Variants in NF2 observed in about 807,000 individuals in gnomAD.
NF2 encodes the protein merlin.
Under a neutral mutation model 83.7 loss-of-function variants are expected in NF2, and 8 were observed. The observed-to-expected ratio is 0.10, with a 90% CI of 0.06 to 0.17. The LOEUF (loss-of-function observed/expected upper bound fraction) is 0.17, where lower values mean the gene tolerates loss of function less well. NF2 is among the 10% of genes least tolerant of loss of function. The pLI is 1.00. For missense variants in NF2, 533 were observed against 744.4 expected (o/e 0.72, Z 3.31); for synonymous variants, 266 against 269.6 (o/e 0.99, Z 0.13).
At chr22:29,646,889 C>T (rs2065997332) in intron 4 of NF2, among the ~76,000 whole-genome samples, 1 of 152,032 alleles carries the variant, frequency 6.6e-6, no homozygotes, top group African/African-American at 2.4e-5. Flanking sequence ...ACTAAAAATA[C>T]AAAAATTAGC....
intron 15 of NF2, chr22:29,683,556 C>T: frequency 9.0e-7 from 1 of 1,111,434 alleles, no homozygotes; most frequent in Non-Finnish European, 1.1e-6. Flanking sequence ...GTTGCTTGTG[C>T]TGGCTCATTT....
chr22:29,658,808 C>G (rs1468723034), intron 7 of NF2, among the ~76,000 whole-genome samples: 1 of 152,062 alleles, frequency 6.6e-6, no homozygotes, highest in Non-Finnish European at 1.5e-5. Flanking sequence ...AGATCTGGGC[C>G]TTTAGAATGT....
chr22:29,614,580 T>TAA (rs397868024), intron 1 of NF2, among the ~76,000 whole-genome samples: 3 of 71,528 alleles, frequency 4.2e-5, no homozygotes, highest in African/African-American at 8.8e-5. Flanking sequence ...AGACTCCATC[T>TAA]AAAAAAAAAA....
intron 15 of NF2, among the ~76,000 whole-genome samples, chr22:29,691,181 C>T (rs576819704): frequency 1.5e-4 from 23 of 152,312 alleles, no homozygotes; most frequent in African/African-American, 2.4e-4. Flanking sequence ...AGGAATTCCC[C>T]GCCCTCCTGG....
intron 1 of NF2, chr22:29,609,394 A>G (rs1175440704): frequency 1.3e-5 from 7 of 555,704 alleles, no homozygotes; most frequent in Non-Finnish European, 2.4e-5. Flanking sequence ...CGAAGCTAAC[A>G]TGATTGTGTC....
intron 1 of NF2, among the ~76,000 whole-genome samples, chr22:29,619,695 T>G (rs2065166194): frequency 6.6e-6 from 1 of 152,040 alleles, no homozygotes; most frequent in African/African-American, 2.4e-5. Context: ...GTGCCCGACC[T>G]CTCCCATGGG....
chr22:29,647,894 T>C (rs2036421837), intron 4 of NF2, among the ~76,000 whole-genome samples: 1 of 152,208 alleles, frequency 6.6e-6, no homozygotes, highest in Admixed American at 6.5e-5. Context: ...GATCCTTTTA[T>C]GTGATTCCTT....
intron 4 of NF2, among the ~76,000 whole-genome samples, chr22:29,643,832 G>C (rs1024081531): frequency 3.3e-5 from 5 of 151,892 alleles, no homozygotes; most frequent in African/African-American, 1.2e-4. Flanking sequence ...GGTGGTGGCC[G>C]GGCAGAGGGG....
intron 6 of NF2, 90 bp downstream of exon 6, chr22:29,655,766 T>C: frequency 9.8e-7 from 1 of 1,022,402 alleles, no homozygotes; most frequent in South Asian, 1.4e-5. Context: ...GACATGCTTG[T>C]TAAACAAAAT....
At position 29,609,005 on chromosome 22, in the gene NF2, G is replaced by A. The variant is rs116485296; in HGVS notation, c.114+4893G>A. The A allele has an allele frequency of 6.4e-3, 4,292 of 673,310 alleles. 139 individuals carry two copies. The African/African-American group carries it at 0.066, about 10-fold the overall frequency. The allele number at this position is 673,310 out of a possible 1,614,324, so 41.7% of individuals were successfully genotyped here. The stretch of plus-strand genomic sequence containing the variant: ...GACTCTGGGGTCGATTATCTCCACC[G>A]GAATGTAATGGATGAACATGCATGT... On this transcript the variant is annotated intron_variant, in intron 1 of 15. Transcript: ENST00000338641.
At chr22:29,610,215 G>A (rs950850081) in intron 1 of NF2, among the ~76,000 whole-genome samples, 1 of 152,074 alleles carries the variant, frequency 6.6e-6, no homozygotes, top group Non-Finnish European at 1.5e-5. Context: ...GCGTGGTGGT[G>A]TGAGCCTGGA....
chr22:29,695,493 C>T lies in NF2; in HGVS notation c.*691C>T, dbSNP rs1262927331. ...TGCCAGCCGAGGGGCTGGGTAGTGC[C>T]GTGCGGGAGCTGATGGTACAGGGCA... On this transcript the variant is annotated 3_prime_UTR_variant, in exon 16 of 16. Transcript: ENST00000338641. This position sits in a 1 kb window ranked among gnomAD's most constrained non-coding sequence, Gnocchi z 5.4. 12 of 245,032 alleles carry T rather than the reference C, an allele frequency of 4.9e-5. No homozygotes were observed. In the South Asian group the frequency reaches 1.6e-3, roughly 33 times the overall value. The allele number at this position is 245,032 out of a possible 1,614,324, so 15.2% of individuals were successfully genotyped here.
intron 3 of NF2, 87 bp from the exon 4 acceptor site, chr22:29,642,115 G>C: frequency 9.0e-7 from 1 of 1,107,592 alleles, no homozygotes; most frequent in Non-Finnish European, 1.4e-6. Flanking sequence ...GCCCTCATTA[G>C]AACGCCGTGA....
Position 29,606,766 on chromosome 22 carries a change from C to T in NF2, c.114+2654C>T, listed in dbSNP as rs117362617. ...ATCAGAAGAAGGATCAAACATTGAC[C>T]GCAGCATGGTGGCTCACGCCTGTAA... On this transcript the variant is annotated intron_variant, in intron 1 of 15. Transcript: ENST00000338641. 1.9e-3 allele frequency among the ~76,000 whole-genome samples: 291 copies of T among 152,290 alleles called. 9 individuals are homozygous for T. The East Asian group carries it at 0.043, about 23-fold the overall frequency.
At chr22:29,643,896 T>C (rs8014354) in intron 4 of NF2, among the ~76,000 whole-genome samples, 3 of 131,336 alleles carry the variant, frequency 2.3e-5, no homozygotes, top group African/African-American at 5.8e-5. Flanking sequence ...ACCTCCCGGA[T>C]GGGGCGGCTG....
chr22:29,630,134 G>T (rs2065469876), intron 1 of NF2, among the ~76,000 whole-genome samples: 1 of 152,200 alleles, frequency 6.6e-6, no homozygotes, highest in African/African-American at 2.4e-5. Context: ...TTAAGGTTGA[G>T]TCTCAACCTG....
At chr22:29,671,783 C>T (rs756442283) in intron 10 of NF2, 43 bp from the exon 11 acceptor site, 19 of 1,612,326 alleles carry the variant, frequency 1.2e-5, no homozygotes, top group Middle Eastern at 1.9e-4. Flanking sequence ...CCCTAGGTCT[C>T]GAGCCCTGTG....
In NF2 at chr22:29,641,125, C is replaced by T. The variant is rs549543754; in HGVS notation, c.364-1077C>T. ...TCCAGCCTGGGCAACCAGAGTGAAA[C>T]TCCTTCTCAAAAGAAAAGGGATGTT... On this transcript the variant is annotated intron_variant, in intron 3 of 15. Transcript: ENST00000338641. Among the ~76,000 whole-genome samples, 3 of 152,282 alleles carry T rather than the reference C, an allele frequency of 2.0e-5. No individual in the cohort carries two copies. In the East Asian group the frequency reaches 5.8e-4, roughly 29 times the overall value.
At chr22:29,677,099 G>A (rs185774276) in intron 13 of NF2, among the ~76,000 whole-genome samples, 12 of 140,016 alleles carry the variant, frequency 8.6e-5, no homozygotes, top group African/African-American at 1.7e-4. Context: ...GACTCAATAC[G>A]GGATCCAAGG....
Sources: gnomAD v4.1 joint callset for allele counts (sites outside exome capture counted in the v4.1 genomes callset) on GRCh38, gnomAD v4.1.1 for gene constraint, Gnocchi (gnomAD v3.1) non-coding constraint, MANE v1.5 for transcripts, NCBI Gene and HGNC (gene_info 2026-07-23, HGNC 2026-07-21) for gene names.